KCNQ5: variants seen among roughly 807,000 people sequenced by gnomAD.
KCNQ5 encodes the protein potassium voltage-gated channel subfamily Q member 5.
In KCNQ5, 30 loss-of-function variants were observed where a neutral mutation model predicts 98.2. That is an observed-to-expected ratio of 0.31 (90% CI 0.23 to 0.41). The LOEUF is 0.41. KCNQ5 is among the 10% of genes least tolerant of loss of function. The probability of loss-of-function intolerance (pLI) is 1.00; values close to 1 mark genes in which losing one functional copy is unlikely to be tolerated. For missense variants in KCNQ5, 835 were observed against 1,182.5 expected (o/e 0.71, Z 4.31); for synonymous variants, 458 against 449.4 (o/e 1.02, Z -0.24).
chr6:72,920,421 G>A lies in KCNQ5; in HGVS notation c.399-83487G>A, dbSNP rs191000874. On this transcript the variant is annotated intron_variant, in intron 1 of 13. Transcript: ENST00000370398. The stretch of plus-strand genomic sequence containing the variant: ...TGGTTTGATCCCTTTAAAAATAGTA[G>A]AGTATTCTGAGCCAGAGTGTTGGAA... Among the ~76,000 whole-genome samples the A allele has an allele frequency of 8.0e-4, 121 of 152,168 alleles. 2 individuals are homozygous for A. Among genetic ancestry groups the A allele is most frequent in the Non-Finnish European group, 1.4e-3 (97 of 68,012 alleles).
At chr6:72,714,170 A>G (rs1428893759) in intron 1 of KCNQ5, among the ~76,000 whole-genome samples, 2 of 152,128 alleles carry the variant, frequency 1.3e-5, no homozygotes, top group South Asian at 2.1e-4. Flanking sequence ...TAGTGAGTCC[A>G]TTTGTTGTTG....
At chr6:72,651,359 A>T (rs950976014) in intron 1 of KCNQ5, among the ~76,000 whole-genome samples, 1 of 152,114 alleles carries the variant, frequency 6.6e-6, no homozygotes, top group Non-Finnish European at 1.5e-5. Context: ...AAAGAAATGT[A>T]CTTGGGCTAT....
chr6:73,016,522 G>A (rs1481836534), intron 2 of KCNQ5, among the ~76,000 whole-genome samples: 1 of 152,070 alleles, frequency 6.6e-6, no homozygotes, highest in Non-Finnish European at 1.5e-5. Context: ...CACTAATATT[G>A]ACATGTTCAT....
In KCNQ5 at chr6:72,635,934, A is replaced by G. The variant is rs369543424; in HGVS notation, c.398+13347A>G. Among the ~76,000 whole-genome samples the G allele has an allele frequency of 2.0e-5, 3 of 151,836 alleles. No homozygotes were observed. In the East Asian group the frequency reaches 5.8e-4, roughly 29 times the overall value. On this transcript the variant is annotated intron_variant, in intron 1 of 13. Coordinates refer to ENST00000370398, the MANE Select transcript of KCNQ5 (RefSeq NM_019842.4). Reference sequence around the variant, plus strand: ...TTTAGAAATATAAGGGGAGAACCCTATTTTTCTTAGGGTTTTAGTTATGCT... The same window carrying G: ...TTTAGAAATATAAGGGGAGAACCCTGTTTTTCTTAGGGTTTTAGTTATGCT...
rs1021649056 is a variant in KCNQ5, at chr6:72,626,735, TGACTATC to T, written c.398+4155_398+4161del. Reference sequence around the variant, plus strand: ...TAAACTTATTCTGTGAAATGTCTGTTGACTATCGACTATATGCTGTGGATCATACTAG... The same window carrying T: ...TAAACTTATTCTGTGAAATGTCTGTTGACTATATGCTGTGGATCATACTAG... On this transcript the variant is annotated intron_variant, in intron 1 of 13. Coordinates refer to ENST00000370398, the MANE Select transcript of KCNQ5 (RefSeq NM_019842.4). Among the ~76,000 whole-genome samples, 17 of 152,342 alleles carry T rather than the reference TGACTATC, an allele frequency of 1.1e-4. 1 individual carries two copies. The highest frequency in any genetic ancestry group is 2.9e-4 in the African/African-American group (12 of 41,586).
chr6:73,195,076 A>T lies in KCNQ5; in HGVS notation c.2461A>T (p.Met821Leu), dbSNP rs754870865. The T allele has an allele frequency of 5.0e-6, 8 of 1,614,220 alleles. No individual in the cohort carries two copies. The highest frequency in any genetic ancestry group is 1.7e-5 in the Admixed American group (1 of 60,028). ...GGETLLSVCPMVPKDLGKSLS... is the reference protein window; with the variant it reads ...GGETLLSVCPLVPKDLGKSLS... Reference sequence around the variant, plus strand: ...AGAAACTCTGTTGTCTGTCTGTCCCATGGTGCCGAAGGACTTGGGCAAATC... The same window carrying T: ...AGAAACTCTGTTGTCTGTCTGTCCCTTGGTGCCGAAGGACTTGGGCAAATC... Residue 821 changes from methionine to leucine, a missense_variant, in exon 14 of 14, where the codon ATG becomes TTG. Transcript: ENST00000370398.
intron 3 of KCNQ5, among the ~76,000 whole-genome samples, chr6:73,049,233 G>A (rs1346304446): frequency 6.6e-6 from 1 of 152,168 alleles, no homozygotes; most frequent in Non-Finnish European, 1.5e-5. Flanking sequence ...CGTGGATAAT[G>A]TACTGTGCAG....
intron 13 of KCNQ5, among the ~76,000 whole-genome samples, chr6:73,193,020 T>TTC (rs1491464742): frequency 1.4e-5 from 1 of 70,730 alleles, no homozygotes. Context: ...AGGTCATTAA[T>TTC]TTTTTTTTTT....
intron 5 of KCNQ5, among the ~76,000 whole-genome samples, chr6:73,080,791 GGTTTTGTTCCACAGATA>G (rs1773732183): frequency 6.6e-6 from 1 of 152,100 alleles, no homozygotes; most frequent in Non-Finnish European, 1.5e-5. Context: ...TCAAAATATA[GGTTTTGTTCCACAGATA>G]CGCTGTGCCA....
At chr6:72,824,092 A>C (rs1052490944) in intron 1 of KCNQ5, among the ~76,000 whole-genome samples, 1 of 152,182 alleles carries the variant, frequency 6.6e-6, no homozygotes, top group Non-Finnish European at 1.5e-5. Flanking sequence ...AGATTCCAGT[A>C]AGAATAAAAT....
At chr6:72,757,668 G>A (rs1236723148) in intron 1 of KCNQ5, among the ~76,000 whole-genome samples, 1 of 152,006 alleles carries the variant, frequency 6.6e-6, no homozygotes, top group African/African-American at 2.4e-5. Context: ...TTATTTTCAT[G>A]GTGTCATAAA....
At chr6:72,699,783 A>T (rs1024036414) in intron 1 of KCNQ5, among the ~76,000 whole-genome samples, 2 of 152,242 alleles carry the variant, frequency 1.3e-5, no homozygotes, top group African/African-American at 4.8e-5. Context: ...AATGTAGCAT[A>T]ATACAGTTCA....
At chr6:72,859,216 T>G (rs1004733583) in intron 1 of KCNQ5, among the ~76,000 whole-genome samples, 7 of 152,118 alleles carry the variant, frequency 4.6e-5, no homozygotes, top group African/African-American at 1.4e-4. Flanking sequence ...TTTATTATAA[T>G]AGAGTTCTAT....
chr6:73,157,380 T>C (rs1777405612), intron 10 of KCNQ5: 1 of 563,062 alleles, frequency 1.8e-6, no homozygotes, highest in African/African-American at 1.9e-5. Flanking sequence ...GTGTCAGGCT[T>C]AGGATTCACA....
At chr6:73,036,731 G>T (rs534237632) in intron 2 of KCNQ5, among the ~76,000 whole-genome samples, 44 of 152,250 alleles carry the variant, frequency 2.9e-4, no homozygotes, top group African/African-American at 1.0e-3. Context: ...ACCAGAGCTT[G>T]TTTAACCATC....
At chr6:72,689,564 G>A (rs1768111483) in intron 1 of KCNQ5, among the ~76,000 whole-genome samples, 1 of 152,220 alleles carries the variant, frequency 6.6e-6, no homozygotes, top group Non-Finnish European at 1.5e-5. Flanking sequence ...GAAAGTTTCA[G>A]AGGTGGCAGA....
intron 1 of KCNQ5, among the ~76,000 whole-genome samples, chr6:72,629,765 G>T (rs990546694): frequency 2.0e-5 from 3 of 152,174 alleles, no homozygotes; most frequent in Non-Finnish European, 4.4e-5. Flanking sequence ...TAATATGTAT[G>T]TGTTTTCATT....
intron 3 of KCNQ5, among the ~76,000 whole-genome samples, chr6:73,071,071 A>T (rs1214319053): frequency 1.3e-5 from 2 of 152,038 alleles, no homozygotes; most frequent in Non-Finnish European, 2.9e-5. Flanking sequence ...CAGGAGGGGG[A>T]TGGTTTTGTT....
At chr6:73,054,784 A>T (rs1478299262) in intron 3 of KCNQ5, among the ~76,000 whole-genome samples, 1 of 152,198 alleles carries the variant, frequency 6.6e-6, no homozygotes, top group Non-Finnish European at 1.5e-5. Flanking sequence ...ACACCAGAAC[A>T]AAACAAGGAT....
Sources: allele counts gnomAD v4.1 joint callset (sites outside exome capture counted in the v4.1 genomes callset), GRCh38; gene constraint gnomAD v4.1.1; transcripts MANE v1.5; gene names NCBI Gene and HGNC (gene_info 2026-07-23, HGNC 2026-07-21).